The following NBEAL2 variants were observed in gnomAD, a reference collection of about 807,000 sequenced individuals.
NBEAL2 encodes the protein neurobeachin-like protein 2.
A neutral mutation model predicts 299.8 loss-of-function variants in NBEAL2; 160 were observed. The observed-to-expected ratio is 0.53, with a 90% CI of 0.47 to 0.61. The LOEUF is 0.61. Ranked by LOEUF, NBEAL2 falls within the 20% of genes least tolerant of loss-of-function variation. The probability of loss-of-function intolerance (pLI) is 0.00; values close to 1 mark genes in which losing one functional copy is unlikely to be tolerated. For synonymous variants in NBEAL2, 1,493 were observed against 1,542.3 expected, an observed-to-expected ratio of 0.97 and a Z score of 0.75; for missense variants, 3,112 against 3,649.0, an observed-to-expected ratio of 0.85 and a Z score of 3.79.
At position 47,005,500 on chromosome 3, in the gene NBEAL2, CCGACCGGCAGTTCCACTCG is replaced by C. The variant is rs2037364964; in HGVS notation, c.6573_6591del (p.Asp2192TrpfsTer15). On this transcript the variant is annotated frameshift_variant, in exon 41 of 54. Transcript: ENST00000450053. LOFTEE classifies it high-confidence loss of function. ...TGCCCCTCCCCCAGCTTTGACTGCTCCGACCGGCAGTTCCACTCGGTGGCGGCAGCCTGGCAGGCACGCC... is the reference window on the plus strand; with the variant it reads ...TGCCCCTCCCCCAGCTTTGACTGCTCGTGGCGGCAGCCTGGCAGGCACGCC... 6.2e-7 allele frequency: 1 copy of C among 1,611,456 alleles called. No individual in the cohort carries two copies. The highest frequency in any genetic ancestry group is 8.5e-7 in the Non-Finnish European group (1 of 1,179,036).
chr3:46,991,385 C>T lies in NBEAL2; in HGVS notation c.643-21C>T. On this transcript the variant is annotated intron_variant, in intron 7 of 53. Transcript: ENST00000450053. This position sits in a 1 kb window ranked among gnomAD's most constrained non-coding sequence, Gnocchi z 6.2. ...CTGGGTGAGCCCCTTGCCCACTGCC[C>T]ATCTCTGTCCACACCTGCAGGAGAA... 1 of 1,591,602 alleles carries T rather than the reference C, an allele frequency of 6.3e-7. No homozygotes were observed.
rs1225802362 is a variant in NBEAL2 at position 46,994,460 on chromosome 3, G to GT, written c.1206dup (p.Lys403Ter). The GT allele has an allele frequency of 6.3e-7, 1 of 1,591,106 alleles. No individual in the cohort carries two copies. The highest frequency in any genetic ancestry group is 1.7e-5 in the Admixed American group (1 of 58,298). On this transcript the variant is annotated frameshift_variant, in exon 12 of 54. Coordinates refer to ENST00000450053, the MANE Select transcript of NBEAL2 (RefSeq NM_015175.3). LOFTEE classifies it high-confidence loss of function. Reference sequence around the variant, plus strand: ...CCCCATACTACCTTACACAGGAGGTGTTTAAGGAGCGCATCGGCTACCCTC... The same window carrying GT: ...CCCCATACTACCTTACACAGGAGGTGTTTTAAGGAGCGCATCGGCTACCCTC...
rs926667885 is a variant in NBEAL2 at position 47,003,395 on chromosome 3, C to T, written c.5720+86C>T. 3.3e-6 allele frequency: 5 copies of T among 1,526,866 alleles called. No homozygotes were observed. The African/African-American group carries it at 5.5e-5, about 17-fold the overall frequency. 94.6% of individuals were successfully genotyped at this position (1,526,866 alleles called of 1,614,324 possible). A position where few individuals can be genotyped will look rare whatever the true frequency, so the allele number is the denominator to read the frequency against. ...TGCATGCCTCTGTGGGATCAACTCC[C>T]TGAGTGTGTCCTCTTCTGCTGCCCG... On this transcript the variant is annotated intron_variant, in intron 35 of 53. Transcript: ENST00000450053. This position sits in a 1 kb window ranked among gnomAD's most constrained non-coding sequence, Gnocchi z 7.0.
At position 47,009,264 on chromosome 3, in the gene NBEAL2, C is replaced by T. The variant is rs989514258; in HGVS notation, c.8209C>T (p.Arg2737Cys). 7 of 1,602,272 alleles carry T rather than the reference C, an allele frequency of 4.4e-6. No individual in the cohort carries two copies. Among genetic ancestry groups the T allele is most frequent in the African/African-American group, 2.7e-5 (2 of 74,708 alleles). ...GCGGAAGCTGTGGCGGTCCTCGCGG[C>T]GCATCTCCCAGGTGTCCTCGGGAGA... ...FARKLWRSSR[R>C]ISQVSSGETE... Residue 2737 changes from arginine to cysteine, a missense_variant, in exon 54 of 54, where the codon CGC becomes TGC. Around this residue, in one of 3 missense-constraint regions of NBEAL2, gnomAD observed 348 missense variants for 381.4 expected, o/e 0.91. Transcript: ENST00000450053.
Position 46,998,704 on chromosome 3 carries a change from A to G in NBEAL2, c.3222-13A>G, listed in dbSNP as rs369269851. On this transcript the variant is annotated splice_polypyrimidine_tract_variant and intron_variant, in intron 22 of 53. Coordinates refer to ENST00000450053, the MANE Select transcript of NBEAL2 (RefSeq NM_015175.3). ...CTTTGGGACCTGGCTGGGTGTGCCTACTGACCTGCCAGCCCGCAGCGGGAG... is the reference window on the plus strand; with the variant it reads ...CTTTGGGACCTGGCTGGGTGTGCCTGCTGACCTGCCAGCCCGCAGCGGGAG... 7.0e-6 allele frequency: 11 copies of G among 1,568,722 alleles called. No individual in the cohort carries two copies. In the African/African-American group the frequency reaches 1.5e-4, roughly 21 times the overall value.
chr3:46,992,030 A>T, intron 9 of NBEAL2, 84 bp downstream of exon 9: 1 of 1,209,656 alleles, frequency 8.3e-7, no homozygotes, highest in Non-Finnish European at 1.2e-6. Context: ...GCTGCTGAGC[A>T]AACATGGGCT....
intron 1 of NBEAL2, among the ~76,000 whole-genome samples, chr3:46,980,864 C>T (rs1038376881): frequency 6.6e-6 from 1 of 152,212 alleles, no homozygotes. Flanking sequence ...TGCCTGGCAT[C>T]ATGCTCCTGG....
chr3:46,996,347 TC>T lies in NBEAL2; in HGVS notation c.2232del (p.Ala745ProfsTer74). ...ACCACAGGGCTGCCCACACCACCAG[TC>T]CCCGCCACCCTGGCCTACACTCACC... ...TTTTGLPTPPVPATLAYTHPA... is the reference protein window; with the variant it reads ...TTTTGLPTPPXPATLAYTHPA... On this transcript the variant is annotated frameshift_variant, in exon 16 of 54. Transcript: ENST00000450053. LOFTEE classifies it high-confidence loss of function. The T allele has an allele frequency of 6.2e-7, 1 of 1,611,996 alleles. No homozygotes were observed.
intron 21 of NBEAL2, 97 bp downstream of exon 21, chr3:46,998,323 A>T: frequency 6.5e-7 from 1 of 1,528,092 alleles, no homozygotes; most frequent in Non-Finnish European, 8.9e-7. Context: ...CTCACCTGTT[A>T]GGAATCCAGA....
chr3:46,987,900 C>T (rs2035782956), intron 1 of NBEAL2: 12 of 952,336 alleles, frequency 1.3e-5, no homozygotes, highest in East Asian at 6.9e-5. Context: ...CACATCCCTG[C>T]GGTCTGCCGG....
chr3:46,998,938 T>G, intron 23 of NBEAL2, 21 bp from the exon 24 acceptor site: 2 of 1,603,882 alleles, frequency 1.2e-6, no homozygotes, highest in Non-Finnish European at 8.5e-7. Context: ...CCCGACACAG[T>G]GTGAGACCCT....
rs368538053 is a variant in NBEAL2 at position 46,997,580 on chromosome 3, C to T, written c.2844C>T (p.Asn948=). 1.1e-5 allele frequency: 17 copies of T among 1,598,436 alleles called. 1 individual carries two copies. The highest frequency in any genetic ancestry group is 3.3e-4 in the Middle Eastern group (2 of 6,024). ...GKSSEERMER[N]AVAAFLLMLR... Reference sequence around the variant, plus strand: ...TGGCAGAGGAACGGATGGAGAGGAACGCAGTGGCTGCTTTTCTGCTGATGC... The same window carrying T: ...TGGCAGAGGAACGGATGGAGAGGAATGCAGTGGCTGCTTTTCTGCTGATGC... The change falls in exon 20 of 54, where the codon AAC becomes AAT. Residue 948 remains asparagine, a synonymous_variant. Transcript: ENST00000450053.
Position 47,001,003 on chromosome 3 carries a change from A to G in NBEAL2, c.4308A>G (p.Gln1436=). 6.2e-7 allele frequency: 1 copy of G among 1,605,456 alleles called. No individual in the cohort carries two copies. Among genetic ancestry groups the G allele is most frequent in the Non-Finnish European group, 8.5e-7 (1 of 1,176,322 alleles). ...DDTSNTSNPQ[Q]TSEEELCNLL... ...ACACCACCCACCTGTGCCCACAGCAAACCTCTGAGGAAGAGTTGTGCAATC... is the reference window on the plus strand; with the variant it reads ...ACACCACCCACCTGTGCCCACAGCAGACCTCTGAGGAAGAGTTGTGCAATC... Residue 1436 remains glutamine (Q), a splice_region_variant and synonymous_variant, in exon 28 of 54, where the codon CAA becomes CAG. Transcript: ENST00000450053. The surrounding 1 kb of genome is among the most constrained non-coding windows in gnomAD (Gnocchi z 6.1).
At chr3:46,987,966 G>T in intron 1 of NBEAL2, 1 of 1,272,982 alleles carries the variant, frequency 7.9e-7, no homozygotes, top group Admixed American at 2.4e-5. Flanking sequence ...CCAGCCCCGG[G>T]GCGGGAGGAG....
Position 47,007,808 on chromosome 3 carries a change from C to G in NBEAL2, c.7508-8C>G, listed in dbSNP as rs777995477. 16 of 1,612,540 alleles carry G rather than the reference C, an allele frequency of 9.9e-6. No individual in the cohort carries two copies. The highest frequency in any genetic ancestry group is 1.2e-5 in the Non-Finnish European group (14 of 1,179,382). On this transcript the variant is annotated splice_region_variant and splice_polypyrimidine_tract_variant and intron_variant, in intron 48 of 53. Coordinates refer to ENST00000450053, the MANE Select transcript of NBEAL2 (RefSeq NM_015175.3). The stretch of plus-strand genomic sequence containing the variant: ...CCGTTCTGCCTGTACCCTCCCCTTC[C>G]CATGCAGATGTAGTAACCTGCCTTG...
chr3:46,992,376 C>G, intron 9 of NBEAL2, 99 bp from the exon 10 acceptor site: 2 of 1,150,352 alleles, frequency 1.7e-6, no homozygotes, highest in Non-Finnish European at 2.6e-6. Flanking sequence ...GGGCAGGGCA[C>G]CTGGCAGCTG....
chr3:47,003,748 A>G lies in NBEAL2; in HGVS notation c.5721-68A>G. On this transcript the variant is annotated intron_variant, in intron 35 of 53. Transcript: ENST00000450053. The surrounding 1 kb of genome is among the most constrained non-coding windows in gnomAD (Gnocchi z 7.0). ...TACCCCATGACTCAATGGCACTTGG[A>G]TGCCCTTTGGGCTTGTGAAGAAGGG... 6.7e-7 allele frequency: 1 copy of G among 1,495,642 alleles called. No homozygotes were observed. Among genetic ancestry groups the G allele is most frequent in the Non-Finnish European group, 8.9e-7 (1 of 1,117,372 alleles). 92.6% of individuals were successfully genotyped at this position (1,495,642 alleles called of 1,614,324 possible). A position where few individuals can be genotyped will look rare whatever the true frequency, so the allele number is the denominator to read the frequency against.
intron 24 of NBEAL2, 82 bp from the exon 25 acceptor site, chr3:46,999,233 G>T: frequency 6.5e-7 from 1 of 1,546,324 alleles, no homozygotes; most frequent in Non-Finnish European, 8.7e-7. Context: ...AGGGCCTCTT[G>T]AGCCACACAC....
chr3:46,998,393 C>T (rs2036671768), intron 21 of NBEAL2, 70 bp from the exon 22 acceptor site: 4 of 1,536,632 alleles, frequency 2.6e-6, no homozygotes, highest in African/African-American at 2.7e-5. Flanking sequence ...AGGCACATGG[C>T]CCTGGCCTGG....
Sources: gnomAD v4.1 joint callset for allele counts (sites outside exome capture counted in the v4.1 genomes callset) on GRCh38, gnomAD v4.1.1 for gene constraint, gnomAD v4.1.1 regional missense constraint, Gnocchi (gnomAD v3.1) non-coding constraint, MANE v1.5 for transcripts, NCBI Gene and HGNC (gene_info 2026-07-23, HGNC 2026-07-21) for gene names.